The following PRELID2 variants were observed in gnomAD, a reference collection of about 807,000 sequenced individuals.
PRELID2 encodes PRELI domain containing 2.
Under a neutral mutation model 28.4 loss-of-function variants are expected in PRELID2, and 25 were observed. That is an observed-to-expected ratio of 0.88 (90% CI 0.64 to 1.23). The LOEUF (loss-of-function observed/expected upper bound fraction) is 1.23, where lower values mean the gene tolerates loss of function less well. Ranked by LOEUF, PRELID2 falls within the 50% of genes most tolerant of loss-of-function variation. PRELID2 has a pLI of 0.00. For synonymous variants in PRELID2, 76 were observed against 71.6 expected, an observed-to-expected ratio of 1.06 and a Z score of -0.31; for missense variants, 201 against 214.4, an observed-to-expected ratio of 0.94 and a Z score of 0.39.
the PRELID2 span, among the ~76,000 whole-genome samples, chr5:145,234,758 A>T: frequency 6.6e-6 from 1 of 152,170 alleles, no homozygotes; most frequent in Non-Finnish European, 1.5e-5. Context: ...CTCAAGAAAT[A>T]GAGTCTACCC....
chr5:145,259,439 G>A, the PRELID2 span, among the ~76,000 whole-genome samples: 1 of 152,162 alleles, frequency 6.6e-6, no homozygotes, highest in Non-Finnish European at 1.5e-5. Context: ...TAGGGGCAGA[G>A]CTGCACAAGG....
chr5:145,376,922 TCTG>T, the PRELID2 span, among the ~76,000 whole-genome samples: 1 of 152,170 alleles, frequency 6.6e-6, no homozygotes, highest in African/African-American at 2.4e-5. Flanking sequence ...TTTCTTGTCT[TCTG>T]CTAGTTTTGG....
chr5:145,375,590 T>C, the PRELID2 span, among the ~76,000 whole-genome samples: 1 of 152,192 alleles, frequency 6.6e-6, no homozygotes, highest in Non-Finnish European at 1.5e-5. Flanking sequence ...CGAAGTCTGC[T>C]GATCAGCAGA....
chr5:145,808,918 C>T (rs1227180618), intron 4 of PRELID2, among the ~76,000 whole-genome samples: 2 of 151,364 alleles, frequency 1.3e-5, no homozygotes, highest in African/African-American at 4.9e-5. Flanking sequence ...AGAACAGTTT[C>T]TCATCTCATT....
rs1032654541 is a variant in PRELID2 at position 145,758,217 on chromosome 5, A to G, written c.*2319T>C. On this transcript the variant is annotated 3_prime_UTR_variant, in exon 7 of 7. Coordinates refer to ENST00000683046, the MANE Select transcript of PRELID2 (RefSeq NM_205846.3). Reference sequence around the variant, plus strand: ...TAGAAAATTGGAAATAGGAAATACTAAAAAAGACCAACGACACAACCGCAC... The same window carrying G: ...TAGAAAATTGGAAATAGGAAATACTGAAAAAGACCAACGACACAACCGCAC... Among the ~76,000 whole-genome samples, 5 of 152,166 alleles carry G rather than the reference A, an allele frequency of 3.3e-5. No individual in the cohort carries two copies. The highest frequency in any genetic ancestry group is 9.7e-5 in the African/African-American group (4 of 41,424).
the PRELID2 span, among the ~76,000 whole-genome samples, chr5:145,454,564 T>C: frequency 2.6e-5 from 4 of 152,214 alleles, no homozygotes; most frequent in Admixed American, 2.0e-4. Context: ...CTTAAGCTGA[T>C]AAGCAATTTC....
At chr5:145,767,122 C>T (rs1406171360) in intron 5 of PRELID2, among the ~76,000 whole-genome samples, 3 of 149,358 alleles carry the variant, frequency 2.0e-5, no homozygotes, top group African/African-American at 7.4e-5. Context: ...ACCACCCTGG[C>T]CCACCCCACC....
At chr5:145,734,501 C>T (rs988398984) in intron 1 of PRELID2, among the ~76,000 whole-genome samples, 2 of 152,162 alleles carry the variant, frequency 1.3e-5, no homozygotes, top group Non-Finnish European at 1.5e-5. Context: ...CCTTGGGAAA[C>T]ATATAACTCA....
At chr5:145,829,535 CCAA>C (rs1302370091) in intron 1 of PRELID2, among the ~76,000 whole-genome samples, 2 of 152,140 alleles carry the variant, frequency 1.3e-5, no homozygotes, top group Non-Finnish European at 2.9e-5. Flanking sequence ...TTTAATTTCT[CCAA>C]CAACTCCAGA....
the PRELID2 span, among the ~76,000 whole-genome samples, chr5:145,408,425 TATATATGTATAAC>T: frequency 1.4e-5 from 2 of 145,072 alleles, no homozygotes; most frequent in Admixed American, 1.4e-4. Flanking sequence ...ATATGTATAA[TATATATGTATAAC>T]ATATATATGT....
the PRELID2 span, among the ~76,000 whole-genome samples, chr5:145,257,422 A>T: frequency 8.1e-5 from 12 of 148,668 alleles, no homozygotes; most frequent in African/African-American, 1.3e-4. Context: ...TGAATATTTT[A>T]AAATAATTTA....
the PRELID2 span, among the ~76,000 whole-genome samples, chr5:145,466,445 G>A: frequency 1.3e-5 from 2 of 151,944 alleles, no homozygotes; most frequent in Non-Finnish European, 2.9e-5. Flanking sequence ...ATTATGTGCT[G>A]GTAATTAAAG....
At chr5:145,302,955 A>G in the PRELID2 span, among the ~76,000 whole-genome samples, 12 of 152,302 alleles carry the variant, frequency 7.9e-5, no homozygotes, top group African/African-American at 2.4e-4. Context: ...TTTGGGGAGC[A>G]TAACACATAT....
chr5:145,669,518 C>G (rs1754663735), intron 1 of PRELID2, among the ~76,000 whole-genome samples: 2 of 152,154 alleles, frequency 1.3e-5, no homozygotes, highest in Non-Finnish European at 2.9e-5. Context: ...AGCCTTCAAA[C>G]TGAACTACTT....
chr5:145,576,079 G>A (rs894219926), intron 1 of PRELID2, among the ~76,000 whole-genome samples: 1 of 152,130 alleles, frequency 6.6e-6, no homozygotes, highest in Non-Finnish European at 1.5e-5. Flanking sequence ...CTATTTATGT[G>A]CTGTCATGGG....
chr5:145,517,576 C>A (rs557030579), intron 1 of PRELID2, among the ~76,000 whole-genome samples: 2 of 152,006 alleles, frequency 1.3e-5, no homozygotes, highest in Admixed American at 1.3e-4. Flanking sequence ...TGTGGAAGAC[C>A]GTGTGGCAAT....
At chr5:145,262,104 G>C in the PRELID2 span, among the ~76,000 whole-genome samples, 5 of 152,042 alleles carry the variant, frequency 3.3e-5, no homozygotes, top group African/African-American at 1.2e-4. Flanking sequence ...ACTTGGCAGA[G>C]CTCAAAGACA....
At chr5:145,323,180 A>G in the PRELID2 span, among the ~76,000 whole-genome samples, 191 of 135,580 alleles carry the variant, frequency 1.4e-3, 1 homozygote, top group East Asian at 9.2e-3. Flanking sequence ...AGCAGAGGGG[A>G]AAAAAAAAAA....
At chr5:145,818,335 C>T (rs563789750) in intron 3 of PRELID2, among the ~76,000 whole-genome samples, 182 of 152,298 alleles carry the variant, frequency 1.2e-3, no homozygotes, top group African/African-American at 4.0e-3. Flanking sequence ...CAGCCTCCTT[C>T]GCGTCTCCTC....
Sources: allele counts gnomAD v4.1 joint callset (sites outside exome capture counted in the v4.1 genomes callset), GRCh38; gene constraint gnomAD v4.1.1; transcripts MANE v1.5; gene names NCBI Gene and HGNC (gene_info 2026-07-23, HGNC 2026-07-21).